The following SLC25A48 variants were observed in gnomAD, a reference collection of about 807,000 sequenced individuals.
SLC25A48 encodes the protein CTC-321K16.1.
In SLC25A48, 29 loss-of-function variants were observed where a neutral mutation model predicts 32.2. The observed-to-expected ratio is 0.90, with a 90% CI of 0.67 to 1.23. The LOEUF (loss-of-function observed/expected upper bound fraction) is 1.23. SLC25A48 is among the 50% of genes most tolerant of loss of function. The pLI is 0.00. For synonymous variants in SLC25A48, 164 were observed against 172.3 expected, an observed-to-expected ratio of 0.95 and a Z score of 0.38; for missense variants, 399 against 422.7, an observed-to-expected ratio of 0.94 and a Z score of 0.49.
At chr5:135,650,561 A>AG in intron 3 of SLC25A48, 2 of 244,454 alleles carry the variant, frequency 8.2e-6, no homozygotes, top group Middle Eastern at 4.1e-4. Context: ...AGTGGAACTA[A>AG]AAAAAAAACA....
intron 3 of SLC25A48, among the ~76,000 whole-genome samples, chr5:135,713,963 C>T (rs775927270): frequency 7.2e-5 from 11 of 152,174 alleles, no homozygotes; most frequent in African/African-American, 2.4e-4. Flanking sequence ...TCATCCCCTG[C>T]GAGTGAAAGG....
intron 3 of SLC25A48, among the ~76,000 whole-genome samples, chr5:135,791,808 C>T (rs924010805): frequency 3.3e-5 from 5 of 151,598 alleles, no homozygotes; most frequent in African/African-American, 9.7e-5. Flanking sequence ...GATGATATTA[C>T]TTATAATGCC....
intron 3 of SLC25A48, among the ~76,000 whole-genome samples, chr5:135,734,649 A>G (rs948513739): frequency 6.6e-6 from 1 of 151,850 alleles, no homozygotes; most frequent in African/African-American, 2.4e-5. Flanking sequence ...CCCCGTCTCT[A>G]CTAAAAATAC....
chr5:135,819,100 A>G (rs2126658280), intron 4 of SLC25A48, among the ~76,000 whole-genome samples: 1 of 152,194 alleles, frequency 6.6e-6, no homozygotes, highest in South Asian at 2.1e-4. Context: ...ACATTAAAAA[A>G]AAAAATCTAA....
chr5:135,838,693 G>C (rs1380034702), intron 1 of SLC25A48, among the ~76,000 whole-genome samples: 1 of 152,258 alleles, frequency 6.6e-6, no homozygotes, highest in East Asian at 1.9e-4. Flanking sequence ...TGTGGCTTCA[G>C]AGGGTGCAAG....
intron 3 of SLC25A48, among the ~76,000 whole-genome samples, chr5:135,757,451 T>C (rs1049572380): frequency 6.7e-6 from 1 of 149,534 alleles, no homozygotes; most frequent in African/African-American, 2.4e-5. Flanking sequence ...ATTTATGATG[T>C]CTAGTGTTAA....
intron 1 of SLC25A48, among the ~76,000 whole-genome samples, chr5:135,583,171 A>AGT (rs35679412): frequency 0.015 from 2,326 of 150,572 alleles, 70 homozygotes; most frequent in African/African-American, 0.053. Flanking sequence ...CATGTGAGAA[A>AGT]GTGTGTGTGC....
At chr5:135,691,106 C>T (rs946024705) in intron 3 of SLC25A48, among the ~76,000 whole-genome samples, 1 of 152,180 alleles carries the variant, frequency 6.6e-6, no homozygotes, top group Non-Finnish European at 1.5e-5. Flanking sequence ...ATGAGCTTTC[C>T]GTTTCCCGTC....
At chr5:135,778,605 T>C (rs1056922323) in intron 3 of SLC25A48, among the ~76,000 whole-genome samples, 1 of 150,646 alleles carries the variant, frequency 6.6e-6, no homozygotes, top group Non-Finnish European at 1.5e-5. Flanking sequence ...TTTCAGGCGG[T>C]GTACACCCCT....
chr5:135,609,668 C>A (rs1426031303), intron 1 of SLC25A48: 2 of 152,206 alleles, frequency 1.3e-5, no homozygotes, highest in Non-Finnish European at 2.9e-5. Flanking sequence ...ATCTTCCTTA[C>A]AAGGATCATG....
intron 4 of SLC25A48, among the ~76,000 whole-genome samples, chr5:135,863,872 A>G (rs970281971): frequency 2.0e-5 from 3 of 152,194 alleles, no homozygotes; most frequent in African/African-American, 7.2e-5. Context: ...ACAGAGACAG[A>G]GGGCAATGGA....
intron 1 of SLC25A48, among the ~76,000 whole-genome samples, chr5:135,597,920 C>T (rs943783557): frequency 3.9e-5 from 6 of 152,102 alleles, no homozygotes; most frequent in African/African-American, 1.2e-4. Context: ...AGGAGAATCA[C>T]TTGAACTCAG....
intron 1 of SLC25A48, chr5:135,601,094 A>G (rs1751787042): frequency 6.6e-6 from 1 of 152,164 alleles, no homozygotes; most frequent in Non-Finnish European, 1.5e-5. Flanking sequence ...AAAACCAACC[A>G]CAGAAGACAC....
chr5:135,842,923 C>T (rs1246227809), intron 2 of SLC25A48, among the ~76,000 whole-genome samples: 7 of 152,350 alleles, frequency 4.6e-5, no homozygotes, highest in Middle Eastern at 3.4e-3. Context: ...GCTCTGGGAA[C>T]GGAGCCATAA....
Position 135,871,449 on chromosome 5 carries a change from C to G in SLC25A48, c.422-12C>G, listed in dbSNP as rs777255167. 1.9e-6 allele frequency: 3 copies of G among 1,573,244 alleles called. No individual in the cohort carries two copies. The highest frequency in any genetic ancestry group is 3.4e-5 in the Admixed American group (2 of 58,052). Reference sequence around the variant, plus strand: ...TGGGTCACTTGCCACCTTCTCTCCCCTGTCTTTGCAGCCAACCTCGGTTTG... The same window carrying G: ...TGGGTCACTTGCCACCTTCTCTCCCGTGTCTTTGCAGCCAACCTCGGTTTG... On this transcript the variant is annotated splice_polypyrimidine_tract_variant and intron_variant, in intron 4 of 7. Transcript: ENST00000681962.
intron 3 of SLC25A48, among the ~76,000 whole-genome samples, chr5:135,644,182 T>C (rs1043307777): frequency 9.9e-5 from 15 of 150,872 alleles, no homozygotes; most frequent in African/African-American, 3.4e-4. Flanking sequence ...AAGTTGCGGA[T>C]GGGGAGAAAA....
At chr5:135,765,067 G>A (rs915216100) in intron 3 of SLC25A48, among the ~76,000 whole-genome samples, 4 of 151,890 alleles carry the variant, frequency 2.6e-5, no homozygotes, top group Non-Finnish European at 4.4e-5. Context: ...GTAATATCCA[G>A]GGGGAGAAAG....
At chr5:135,839,543 A>T (rs1489039473) in intron 1 of SLC25A48, among the ~76,000 whole-genome samples, 1 of 152,158 alleles carries the variant, frequency 6.6e-6, no homozygotes, top group Non-Finnish European at 1.5e-5. Context: ...CTCAGATGAG[A>T]CTTTGGACTG....
intron 2 of SLC25A48, among the ~76,000 whole-genome samples, chr5:135,633,503 A>G (rs1752626919): frequency 6.6e-6 from 1 of 152,008 alleles, no homozygotes. Flanking sequence ...GCGCACAGCA[A>G]GAAGGCAGCC....
Sources: gnomAD v4.1 joint callset for allele counts (sites outside exome capture counted in the v4.1 genomes callset) on GRCh38, gnomAD v4.1.1 for gene constraint, MANE v1.5 for transcripts, NCBI Gene and HGNC (gene_info 2026-07-23, HGNC 2026-07-21) for gene names.